WDR49: variants seen among roughly 807,000 people sequenced by gnomAD.
The protein encoded by WDR49 is WD repeat domain 49.
WDR49 carries 107 observed loss-of-function variants against 119.5 expected under a neutral mutation model. The observed-to-expected ratio is 0.90, with a 90% confidence interval of 0.77 to 1.05. The LOEUF (loss-of-function observed/expected upper bound fraction) is 1.05. WDR49 is among the 50% of genes least tolerant of loss of function. The pLI is 0.00. For synonymous variants in WDR49, 425 were observed against 418.8 expected (o/e 1.01, Z -0.18); for missense variants, 1,240 against 1,220.5 (o/e 1.02, Z -0.24).
intron 2 of WDR49, among the ~76,000 whole-genome samples, chr3:167,638,910 G>C (rs1717744008): frequency 1.3e-5 from 2 of 151,594 alleles, no homozygotes; most frequent in Non-Finnish European, 3.0e-5. Context: ...TTCCTATCCA[G>C]CTGGTGAATT....
chr3:167,511,400 C>T (rs534285322), intron 16 of WDR49, among the ~76,000 whole-genome samples: 1 of 152,280 alleles, frequency 6.6e-6, no homozygotes, highest in Non-Finnish European at 1.5e-5. Flanking sequence ...TTGCCTCTCA[C>T]CCCCAGAAGT....
At chr3:167,653,654 T>C (rs1245936554) in intron 1 of WDR49, among the ~76,000 whole-genome samples, 155 bp from the exon 2 acceptor site, 1 of 152,182 alleles carries the variant, frequency 6.6e-6, no homozygotes, top group Non-Finnish European at 1.5e-5. Flanking sequence ...TTTTCAAAAT[T>C]TACAGTTGAA....
chr3:167,482,485 TG>T (rs1368225768), intron 18 of WDR49, among the ~76,000 whole-genome samples: 1 of 147,634 alleles, frequency 6.8e-6, no homozygotes, highest in East Asian at 2.0e-4. Context: ...CTGGCTAACA[TG>T]GTGAAACCCC....
At chr3:167,537,687 C>T (rs1177947062) in intron 10 of WDR49, among the ~76,000 whole-genome samples, 1 of 152,080 alleles carries the variant, frequency 6.6e-6, no homozygotes, top group African/African-American at 2.4e-5. Context: ...TGCCTTGTGC[C>T]TGGTGGGGAA....
At chr3:167,555,008 C>G (rs928520065) in intron 9 of WDR49, among the ~76,000 whole-genome samples, 3 of 152,128 alleles carry the variant, frequency 2.0e-5, no homozygotes, top group African/African-American at 7.2e-5. Context: ...TCCTCAGACT[C>G]TTTCTCTAAT....
chr3:167,563,684 T>C (rs1323012289), intron 8 of WDR49, among the ~76,000 whole-genome samples: 1 of 152,186 alleles, frequency 6.6e-6, no homozygotes, highest in African/African-American at 2.4e-5. Flanking sequence ...ACATACACGA[T>C]GTATAATGAT....
At chr3:167,598,913 C>A (rs975454309) in intron 7 of WDR49, among the ~76,000 whole-genome samples, 2 of 152,202 alleles carry the variant, frequency 1.3e-5, no homozygotes, top group African/African-American at 4.8e-5. Context: ...TATTCTCTCA[C>A]CTTACTTTCT....
At chr3:167,599,466 C>A (rs944505805) in intron 7 of WDR49, among the ~76,000 whole-genome samples, 1 of 152,160 alleles carries the variant, frequency 6.6e-6, no homozygotes, top group African/African-American at 2.4e-5. Flanking sequence ...AAGCCTGAGA[C>A]TCACCCTTCA....
intron 10 of WDR49, among the ~76,000 whole-genome samples, chr3:167,553,293 A>C (rs1712684139): frequency 6.6e-6 from 1 of 152,036 alleles, no homozygotes; most frequent in African/African-American, 2.4e-5. Context: ...AAAAGTGATA[A>C]TTTTTCCTAC....
intron 18 of WDR49, among the ~76,000 whole-genome samples, chr3:167,490,224 T>C (rs9881165): frequency 0.13 from 19,078 of 152,150 alleles, 1,562 homozygotes; most frequent in East Asian, 0.39. Flanking sequence ...TAATGGTTGC[T>C]TGGGACCTGT....
rs993211579 is a variant in WDR49, at chr3:167,559,948, A to T, written c.1674+116T>A. On this transcript the variant is annotated intron_variant, in intron 9 of 18. Transcript: ENST00000682715. ...AGTTATTTCACTCTTACCATGTCTC[A>T]TTTCTCTTCTTGCAATACCAAAAAG... The T allele has an allele frequency of 1.7e-5, 19 of 1,110,128 alleles. No individual in the cohort carries two copies. The East Asian group carries it at 4.6e-4, about 27-fold the overall frequency. 68.8% of individuals were successfully genotyped at this position (1,110,128 alleles called of 1,614,324 possible). A position where few individuals can be genotyped will look rare whatever the true frequency, so the allele number is the denominator to read the frequency against.
intron 2 of WDR49, among the ~76,000 whole-genome samples, chr3:167,627,784 C>G (rs1038229950): frequency 1.1e-4 from 16 of 152,142 alleles, no homozygotes; most frequent in African/African-American, 3.4e-4. Context: ...TAATTAGTTA[C>G]AGCAGCAACA....
At chr3:167,511,648 A>C (rs1249594540) in intron 16 of WDR49, among the ~76,000 whole-genome samples, 2 of 152,154 alleles carry the variant, frequency 1.3e-5, no homozygotes, top group African/African-American at 4.8e-5. Context: ...AACTGTGCAG[A>C]TTCTTGGTGA....
At chr3:167,612,185 G>C (rs1041095503) in intron 5 of WDR49, among the ~76,000 whole-genome samples, 1 of 152,004 alleles carries the variant, frequency 6.6e-6, no homozygotes, top group African/African-American at 2.4e-5. Flanking sequence ...GAGTAATTCT[G>C]GAAACTATAC....
intron 10 of WDR49, among the ~76,000 whole-genome samples, chr3:167,541,559 A>G (rs1286501512): frequency 6.6e-6 from 1 of 152,138 alleles, no homozygotes; most frequent in Non-Finnish European, 1.5e-5. Context: ...TTGAAACAAA[A>G]CCTCAAAATT....
chr3:167,601,364 A>C (rs1349238975), intron 7 of WDR49, among the ~76,000 whole-genome samples: 2 of 152,192 alleles, frequency 1.3e-5, no homozygotes, highest in Non-Finnish European at 2.9e-5. Context: ...TTAGCATACA[A>C]CAAAAATTTA....
At chr3:167,545,509 T>TTATATATATATATATATATA (rs141981277) in intron 10 of WDR49, among the ~76,000 whole-genome samples, 1 of 108,298 alleles carries the variant, frequency 9.2e-6, no homozygotes, top group Non-Finnish European at 2.1e-5. Flanking sequence ...ATATTATATA[T>TTATATATATATATATATATA]TATATATATA....
intron 16 of WDR49, among the ~76,000 whole-genome samples, chr3:167,511,190 G>A (rs1023296485): frequency 1.3e-5 from 2 of 152,084 alleles, no homozygotes; most frequent in African/African-American, 4.8e-5. Flanking sequence ...AATCAATTCT[G>A]AGGATATGTT....
intron 10 of WDR49, among the ~76,000 whole-genome samples, chr3:167,538,946 A>G (rs1359143920): frequency 6.6e-6 from 1 of 152,178 alleles, no homozygotes; most frequent in Non-Finnish European, 1.5e-5. Context: ...GAGCTCTGTT[A>G]TTTAAGACCC....
Sources: gnomAD v4.1 joint callset for allele counts (sites outside exome capture counted in the v4.1 genomes callset) on GRCh38, gnomAD v4.1.1 for gene constraint, MANE v1.5 for transcripts, NCBI Gene and HGNC (gene_info 2026-07-23, HGNC 2026-07-21) for gene names.